FSIP2: variants seen among roughly 807,000 people sequenced by gnomAD.
FSIP2 encodes fibrous sheath interacting protein 2.
In FSIP2, 367 loss-of-function variants were observed where a neutral mutation model predicts 510.5. The observed-to-expected ratio is 0.72, with a 90% confidence interval of 0.66 to 0.78. The LOEUF is 0.78. FSIP2 is among the 30% of genes least tolerant of loss of function. FSIP2 has a pLI of 0.00. For synonymous variants in FSIP2, 2,601 were observed against 2,732.2 expected (o/e 0.95, Z 1.50); for missense variants, 7,594 against 7,901.7 (o/e 0.96, Z 1.48).
chr2:185,762,086 T>A (rs769698688), intron 11 of FSIP2, 69 bp downstream of exon 11: 35 of 731,144 alleles, frequency 4.8e-5, no homozygotes, highest in Non-Finnish European at 7.5e-5. Context: ...ATTATATATT[T>A]TAAGTTGTTT....
intron 19 of FSIP2, among the ~76,000 whole-genome samples, chr2:185,822,110 A>G (rs954953434): frequency 6.6e-6 from 1 of 151,912 alleles, no homozygotes; most frequent in African/African-American, 2.4e-5. Flanking sequence ...TACAGCTAAC[A>G]TTGTCCTCAG....
At chr2:185,821,206 T>C (rs1266049950) in intron 19 of FSIP2, among the ~76,000 whole-genome samples, 2 of 151,792 alleles carry the variant, frequency 1.3e-5, no homozygotes, top group Non-Finnish European at 2.9e-5. Flanking sequence ...CTAGATGAAA[T>C]GGATAAATTC....
intron 13 of FSIP2, among the ~76,000 whole-genome samples, chr2:185,766,978 C>T (rs1210788492): frequency 8.4e-6 from 1 of 119,390 alleles, no homozygotes. Context: ...CCATGGAATA[C>T]TATGCAGCCA....
chr2:185,754,640 T>G (rs1275031532), intron 8 of FSIP2, among the ~76,000 whole-genome samples: 1 of 151,504 alleles, frequency 6.6e-6, no homozygotes, highest in African/African-American at 2.4e-5. Context: ...TATTACCTAT[T>G]AAATGAAGCT....
At position 185,792,685 on chromosome 2, in the gene FSIP2, T is replaced by C; in HGVS notation, c.5549T>C (p.Val1850Ala). 1.3e-6 allele frequency: 2 copies of C among 1,533,600 alleles called. No individual in the cohort carries two copies. The highest frequency in any genetic ancestry group is 1.7e-6 in the Non-Finnish European group (2 of 1,145,134). 95.0% of individuals were successfully genotyped at this position (1,533,600 alleles called of 1,614,324 possible). The change falls in exon 16 of 23, where the codon GTA becomes GCA. Residue 1850 changes from valine (V) to alanine (A), a missense_variant. Coordinates refer to ENST00000424728, the MANE Select transcript of FSIP2 (RefSeq NM_173651.4). Reference sequence around the variant, plus strand: ...GTAACAGATAATATTGTTAGGACTGTATTTCACAAACTTTATTCAGCTGCC... The same window carrying C: ...GTAACAGATAATATTGTTAGGACTGCATTTCACAAACTTTATTCAGCTGCC... ...TIVTDNIVRT[V>A]FHKLYSAAMT...
chr2:185,776,298 AAATTAT>A (rs201952063), intron 13 of FSIP2, among the ~76,000 whole-genome samples: 1,571 of 152,160 alleles, frequency 0.01, 16 homozygotes, highest in African/African-American at 0.035. Context: ...GAAAAATTAA[AAATTAT>A]AATAATAATA....
intron 16 of FSIP2, among the ~76,000 whole-genome samples, chr2:185,798,222 A>G (rs1186780337): frequency 6.6e-6 from 1 of 151,896 alleles, no homozygotes; most frequent in East Asian, 1.9e-4. Flanking sequence ...TTAACTGATT[A>G]AAAGTCATTT....
rs946218029 is a variant in FSIP2, at chr2:185,790,718, A to T, written c.3582A>T (p.Ser1194=). The T allele has an allele frequency of 3.3e-6, 5 of 1,533,898 alleles. No homozygotes were observed. The Admixed American group carries it at 5.9e-5, about 18-fold the overall frequency. ...YISNTTKSSI[S]SSVHQISLHN... is the part of the protein sequence containing the mutation. The stretch of plus-strand genomic sequence containing the variant: ...CCAATACCACTAAAAGTTCCATTTC[A>T]TCATCAGTTCATCAGATTTCCTTAC... The change falls in exon 16 of 23, where the codon TCA becomes TCT. Residue 1194 remains serine (S), a synonymous_variant. Coordinates refer to ENST00000424728, the MANE Select transcript of FSIP2 (RefSeq NM_173651.4).
intron 3 of FSIP2, 30 bp downstream of exon 3, chr2:185,743,324 CAATGAAACCCTTTA>C (rs1403631135): frequency 4.0e-5 from 57 of 1,410,612 alleles, no homozygotes; most frequent in Non-Finnish European, 5.1e-5. Context: ...TTTTTTTAAT[CAATGAAACCCTTTA>C]AAACTTGATA....
Position 185,789,741 on chromosome 2 carries a change from G to T in FSIP2, c.2605G>T (p.Gly869Cys). The change falls in exon 16 of 23, where the codon GGC (glycine) becomes TGC (cysteine). Residue 869 changes from glycine (G) to cysteine (C), a missense_variant. Coordinates refer to ENST00000424728, the MANE Select transcript of FSIP2 (RefSeq NM_173651.4). ...DPICMFLQRA[G>C]KNKSSLESDE... The stretch of plus-strand genomic sequence containing the variant: ...AATATGTATGTTCCTTCAAAGAGCT[G>T]GCAAAAATAAATCTAGTCTTGAATC... 1.3e-6 allele frequency: 2 copies of T among 1,534,278 alleles called. No homozygotes were observed. The highest frequency in any genetic ancestry group is 1.7e-6 in the Non-Finnish European group (2 of 1,145,742).
Position 185,794,921 on chromosome 2 carries a change from T to G in FSIP2, c.7785T>G (p.Asn2595Lys). 1 of 1,534,080 alleles carries G rather than the reference T, an allele frequency of 6.5e-7. No homozygotes were observed. The highest frequency in any genetic ancestry group is 8.7e-7 in the Non-Finnish European group (1 of 1,145,392). Residue 2595 changes from asparagine (N) to lysine (K), a missense_variant, in exon 16 of 23, where the codon AAT becomes AAG. By Grantham distance (94) the Asn-to-Lys change is moderately conservative (BLOSUM62 0). Coordinates refer to ENST00000424728, the MANE Select transcript of FSIP2 (RefSeq NM_173651.4). ...CTAAACAAGCAGGAAAAATAAGTAA[T>G]TCCCCTAGATATGCGATATCACAGG... ...RETKQAGKISNSPRYAISQAY... is the reference protein window; with the variant it reads ...RETKQAGKISKSPRYAISQAY...
intron 13 of FSIP2, among the ~76,000 whole-genome samples, chr2:185,767,598 T>C (rs1279495870): frequency 6.6e-6 from 1 of 152,174 alleles, no homozygotes; most frequent in Non-Finnish European, 1.5e-5. Flanking sequence ...TTCTTTGATG[T>C]TGTCACAAAT....
rs1266890846 is a variant in FSIP2, at chr2:185,763,164, T to A, written c.1241-19T>A. On this transcript the variant is annotated intron_variant, in intron 11 of 22. Coordinates refer to ENST00000424728, the MANE Select transcript of FSIP2 (RefSeq NM_173651.4). ...CAATATCAGCTTCTCATATTTAAAGTTATCTCTTCTTTCTCTAGGAGGTAT... is the reference window on the plus strand; with the variant it reads ...CAATATCAGCTTCTCATATTTAAAGATATCTCTTCTTTCTCTAGGAGGTAT... 2.8e-6 allele frequency: 3 copies of A among 1,061,458 alleles called. No homozygotes were observed. The highest frequency in any genetic ancestry group is 1.6e-5 in the African/African-American group (1 of 63,378). 65.8% of individuals were successfully genotyped at this position (1,061,458 alleles called of 1,614,324 possible). A position where few individuals can be genotyped will look rare whatever the true frequency, so the allele number is the denominator to read the frequency against.
At chr2:185,759,809 TC>T (rs1009180874) in intron 9 of FSIP2, among the ~76,000 whole-genome samples, 3 of 150,582 alleles carry the variant, frequency 2.0e-5, no homozygotes, top group African/African-American at 7.3e-5. Context: ...TAGAAAATGT[TC>T]ACTCTTCTTC....
chr2:185,793,850 T>G lies in FSIP2; in HGVS notation c.6714T>G (p.Thr2238=). Residue 2238 remains threonine, a synonymous_variant, in exon 16 of 23, where the codon ACT becomes ACG. Transcript: ENST00000424728. ...NQITVVEKED[T]QKSATDSCEE... is the part of the protein sequence containing the mutation. ...TAACTGTAGTAGAGAAAGAAGACAC[T>G]CAGAAATCTGCTACTGACTCATGTG... 1 of 1,532,094 alleles carries G rather than the reference T, an allele frequency of 6.5e-7. No individual in the cohort carries two copies. The highest frequency in any genetic ancestry group is 8.7e-7 in the Non-Finnish European group (1 of 1,144,858). The allele number at this position is 1,532,094 out of a possible 1,614,324, so 94.9% of individuals were successfully genotyped here. A position where few individuals can be genotyped will look rare whatever the true frequency, so the allele number is the denominator to read the frequency against.
At chr2:185,774,187 A>G (rs1214038479) in intron 13 of FSIP2, among the ~76,000 whole-genome samples, 3 of 152,134 alleles carry the variant, frequency 2.0e-5, no homozygotes, top group Non-Finnish European at 4.4e-5. Flanking sequence ...ATCACACTAG[A>G]TTGTACAACT....
At chr2:185,776,203 A>G (rs11903586) in intron 13 of FSIP2, among the ~76,000 whole-genome samples, 147,722 of 152,244 alleles carry the variant, frequency 0.97, 71,744 homozygotes, top group Middle Eastern at 1. Context: ...CTGGGAGGCA[A>G]AGGTTGCAGT....
chr2:185,748,041 T>TTTG (rs1692068864), intron 7 of FSIP2, among the ~76,000 whole-genome samples: 1 of 152,076 alleles, frequency 6.6e-6, no homozygotes, highest in Non-Finnish European at 1.5e-5. Flanking sequence ...TAAATGGCAA[T>TTTG]TTTAGGTAGG....
In FSIP2 at chr2:185,794,935, C is replaced by T. The variant is rs748585583; in HGVS notation, c.7799C>T (p.Ala2600Val). 6.5e-6 allele frequency: 10 copies of T among 1,533,034 alleles called. No individual in the cohort carries two copies. Among genetic ancestry groups the T allele is most frequent in the Middle Eastern group, 1.7e-4 (1 of 6,002 alleles). 95.0% of individuals were successfully genotyped at this position (1,533,034 alleles called of 1,614,324 possible). A position where few individuals can be genotyped will look rare whatever the true frequency, so the allele number is the denominator to read the frequency against. ...AGKISNSPRY[A>V]ISQAYSYVDS... ...AAAATAAGTAATTCCCCTAGATATGCGATATCACAGGCTTATTCTTATGTC... is the reference window on the plus strand; with the variant it reads ...AAAATAAGTAATTCCCCTAGATATGTGATATCACAGGCTTATTCTTATGTC... The change falls in exon 16 of 23, where the codon GCG (alanine) becomes GTG (valine). Residue 2600 changes from alanine to valine, a missense_variant. By Grantham distance (64) the Ala-to-Val change is moderately conservative. Coordinates refer to ENST00000424728, the MANE Select transcript of FSIP2 (RefSeq NM_173651.4).
Sources: allele counts gnomAD v4.1 joint callset (sites outside exome capture counted in the v4.1 genomes callset), GRCh38; gene constraint gnomAD v4.1.1; transcripts MANE v1.5; gene names NCBI Gene and HGNC (gene_info 2026-07-23, HGNC 2026-07-21).